Variants in ERBB4 observed in about 807,000 individuals in gnomAD.
The protein encoded by ERBB4 is erb-b2 receptor tyrosine kinase 4, also known as receptor tyrosine-protein kinase erbB-4.
A neutral mutation model predicts 158.0 loss-of-function variants in ERBB4; 42 were observed. That is an observed-to-expected ratio of 0.27 (90% CI 0.21 to 0.34). The LOEUF (loss-of-function observed/expected upper bound fraction) is 0.34. Ranked by LOEUF, ERBB4 falls within the 10% of genes least tolerant of loss-of-function variation. ERBB4 has a pLI of 1.00. For missense variants in ERBB4, 1,333 were observed against 1,624.1 expected (o/e 0.82, Z 3.08); for synonymous variants, 583 against 558.7 (o/e 1.04, Z -0.61).
At chr2:212,259,835 C>G (rs1166692266) in intron 1 of ERBB4, among the ~76,000 whole-genome samples, 1 of 151,944 alleles carries the variant, frequency 6.6e-6, no homozygotes, top group Non-Finnish European at 1.5e-5. Flanking sequence ...TTTGGGAGAC[C>G]AAGGCAGGTG....
At chr2:211,583,542 T>G (rs2068168790) in intron 19 of ERBB4, among the ~76,000 whole-genome samples, 1 of 151,624 alleles carries the variant, frequency 6.6e-6, no homozygotes, top group Admixed American at 6.6e-5. Context: ...TTAAATTTTT[T>G]GATAGTTTTA....
At chr2:211,550,574 A>AATATATATAT (rs376362405) in intron 20 of ERBB4, among the ~76,000 whole-genome samples, 3,355 of 136,732 alleles carry the variant, frequency 0.025, 55 homozygotes, top group African/African-American at 0.039. Flanking sequence ...CATTCCTTAG[A>AATATATATAT]ATATATATAT....
intron 3 of ERBB4, among the ~76,000 whole-genome samples, chr2:211,850,356 T>G (rs2077688849): frequency 6.6e-6 from 1 of 151,904 alleles, no homozygotes; most frequent in African/African-American, 2.4e-5. Context: ...ATATACATAT[T>G]CAACATATAT....
chr2:211,681,813 A>T (rs2072345509), intron 12 of ERBB4, among the ~76,000 whole-genome samples: 1 of 152,092 alleles, frequency 6.6e-6, no homozygotes, highest in Admixed American at 6.6e-5. Context: ...TTTTGAAAGT[A>T]GAAGTTTTTC....
intron 2 of ERBB4, among the ~76,000 whole-genome samples, chr2:212,029,164 A>G (rs1319855811): frequency 1.3e-5 from 2 of 152,104 alleles, no homozygotes; most frequent in Non-Finnish European, 2.9e-5. Context: ...GTGGGTATAA[A>G]TATGACAGCA....
chr2:211,676,211 C>T (rs910409278), intron 13 of ERBB4, among the ~76,000 whole-genome samples: 1 of 152,178 alleles, frequency 6.6e-6, no homozygotes, highest in African/African-American at 2.4e-5. Context: ...GGCAATCCAT[C>T]ACTGGGCAGG....
chr2:211,858,148 G>C (rs938411009), intron 3 of ERBB4, among the ~76,000 whole-genome samples: 2 of 152,180 alleles, frequency 1.3e-5, no homozygotes, highest in Non-Finnish European at 2.9e-5. Flanking sequence ...GAAAGAGAGT[G>C]TGGAAGAGGT....
chr2:211,950,467 G>A (rs1460606400), intron 2 of ERBB4, among the ~76,000 whole-genome samples: 1 of 152,110 alleles, frequency 6.6e-6, no homozygotes, highest in Non-Finnish European at 1.5e-5. Flanking sequence ...TTGTTATAAA[G>A]ATATATCTGT....
chr2:211,906,542 A>G (rs2125045232), intron 3 of ERBB4, among the ~76,000 whole-genome samples: 1 of 152,108 alleles, frequency 6.6e-6, no homozygotes, highest in African/African-American at 2.4e-5. Flanking sequence ...TCTATGATAG[A>G]TAGATATCAT....
At chr2:212,015,962 A>G (rs1484720476) in intron 2 of ERBB4, among the ~76,000 whole-genome samples, 1 of 151,756 alleles carries the variant, frequency 6.6e-6, no homozygotes, top group Non-Finnish European at 1.5e-5. Context: ...ATACCAAAAT[A>G]GAGCATTCCC....
intron 1 of ERBB4, among the ~76,000 whole-genome samples, chr2:212,374,199 G>T (rs1019331508): frequency 6.6e-6 from 1 of 150,398 alleles, no homozygotes; most frequent in Non-Finnish European, 1.5e-5. Flanking sequence ...ACATTATTCA[G>T]TGGCTAATTT....
At chr2:212,492,160 G>T (rs1690315690) in intron 1 of ERBB4, among the ~76,000 whole-genome samples, 1 of 151,346 alleles carries the variant, frequency 6.6e-6, no homozygotes, top group African/African-American at 2.4e-5. Context: ...ATTTACTTAG[G>T]TAAAATATGA....
intron 16 of ERBB4, among the ~76,000 whole-genome samples, chr2:211,654,262 T>A (rs1218077098): frequency 1.3e-5 from 2 of 152,186 alleles, no homozygotes; most frequent in African/African-American, 2.4e-5. Flanking sequence ...AAATCCTTCA[T>A]GTAAATGTCA....
In ERBB4 at chr2:211,880,367, T is replaced by C. The variant is rs1317668814; in HGVS notation, c.421+67063A>G. 2.6e-5 allele frequency among the ~76,000 whole-genome samples: 4 copies of C among 152,224 alleles called. No individual in the cohort carries two copies. The East Asian group carries it at 5.8e-4, about 22-fold the overall frequency. ...AATGTGTGTATATATCTTCCATCTC[T>C]GGGAACCTCCAAATATTTCAATGAC... On this transcript the variant is annotated intron_variant, in intron 3 of 27. Coordinates refer to ENST00000342788, the MANE Select transcript of ERBB4 (RefSeq NM_005235.3).
In ERBB4 at chr2:211,431,107, A is replaced by G. The variant is rs2063739955; in HGVS notation, c.2488-7T>C. The G allele has an allele frequency of 1.2e-6, 2 of 1,612,948 alleles. No homozygotes were observed. Among genetic ancestry groups the G allele is most frequent in the African/African-American group, 2.7e-5 (2 of 75,014 alleles). ...CTTCCAGGTACATCATTCCCTGAAA[A>G]ATATCAAGTTCCTTAATGATATTCA... On this transcript the variant is annotated splice_region_variant and splice_polypyrimidine_tract_variant and intron_variant, in intron 20 of 27. Coordinates refer to ENST00000342788, the MANE Select transcript of ERBB4 (RefSeq NM_005235.3).
chr2:212,165,438 G>A (rs1011793793), intron 1 of ERBB4, among the ~76,000 whole-genome samples: 18 of 151,818 alleles, frequency 1.2e-4, no homozygotes, highest in African/African-American at 4.3e-4. Context: ...TTGCAGAGAG[G>A]GTAAATCCTT....
At chr2:212,345,280 A>C (rs2088941832) in intron 1 of ERBB4, among the ~76,000 whole-genome samples, 4 of 148,274 alleles carry the variant, frequency 2.7e-5, no homozygotes, top group East Asian at 1.9e-4. Context: ...AAAAAAAAGC[A>C]CTAAACACAT....
chr2:211,950,846 GGA>G (rs2080856200), intron 2 of ERBB4, among the ~76,000 whole-genome samples: 2 of 152,174 alleles, frequency 1.3e-5, no homozygotes, highest in African/African-American at 4.8e-5. Flanking sequence ...TGCACCGCGT[GGA>G]AAAGTCTAGC....
intron 1 of ERBB4, among the ~76,000 whole-genome samples, chr2:212,523,641 GA>G (rs1692291468): frequency 6.6e-6 from 1 of 151,938 alleles, no homozygotes; most frequent in Non-Finnish European, 1.5e-5. Context: ...AGATGGGTGG[GA>G]ATCCTAGCCA....
Sources: gnomAD v4.1 joint callset for allele counts (sites outside exome capture counted in the v4.1 genomes callset) on GRCh38, gnomAD v4.1.1 for gene constraint, MANE v1.5 for transcripts, NCBI Gene and HGNC (gene_info 2026-07-23, HGNC 2026-07-21) for gene names.